DGKB: variants seen among roughly 807,000 people sequenced by gnomAD.
DGKB encodes the protein 90 kDa diacylglycerol kinase.
DGKB carries 67 observed loss-of-function variants against 114.3 expected under a neutral mutation model. The ratio of observed to expected loss-of-function variants is 0.59; its 90% CI spans 0.48 to 0.72. DGKB has a LOEUF of 0.72. DGKB is among the 30% of genes least tolerant of loss of function. The probability of loss-of-function intolerance (pLI) is 0.00; values close to 1 mark genes in which losing one functional copy is unlikely to be tolerated. For synonymous variants in DGKB, 398 were observed against 323.1 expected (o/e 1.23, Z -2.49); for missense variants, 907 against 975.2 (o/e 0.93, Z 0.93).
chr7:14,942,117 C>CA, intron 1 of DGKB, among the ~76,000 whole-genome samples: 1 of 145,922 alleles, frequency 6.9e-6, no homozygotes, highest in Non-Finnish European at 1.5e-5. Context: ...ATTAAAAAAA[C>CA]TTTTTTTTTT....
intron 21 of DGKB, among the ~76,000 whole-genome samples, chr7:14,421,307 C>G (rs532343717): frequency 6.6e-6 from 1 of 151,952 alleles, no homozygotes. Flanking sequence ...AATCCTTGTT[C>G]AATACATCAA....
chr7:14,565,051 G>A (rs1022186755), intron 20 of DGKB, among the ~76,000 whole-genome samples: 3 of 152,142 alleles, frequency 2.0e-5, no homozygotes, highest in African/African-American at 7.2e-5. Context: ...TCAAGAGGTA[G>A]ATTCTATATC....
chr7:14,544,279 G>C (rs1397452435), intron 20 of DGKB, among the ~76,000 whole-genome samples: 1 of 152,130 alleles, frequency 6.6e-6, no homozygotes, highest in Non-Finnish European at 1.5e-5. Flanking sequence ...AATATGAACT[G>C]ACTAAGCCAT....
chr7:14,366,634 GC>G lies in DGKB; in HGVS notation c.1836-21244del, dbSNP rs1223036004. On this transcript the variant is annotated intron_variant, in intron 21 of 25. Transcript: ENST00000402815. ...AATTGACAAATCTTTGTTTCGTAAT[GC>G]AAATTATTGCACCTGAAGCCAAATC... 2.0e-5 allele frequency among the ~76,000 whole-genome samples: 3 copies of G among 152,152 alleles called. No homozygotes were observed. In the East Asian group the frequency reaches 5.8e-4, roughly 29 times the overall value.
At position 14,282,713 on chromosome 7, in the gene DGKB, C is replaced by G. The variant is rs1413423632; in HGVS notation, c.2122+55802G>C. Reference sequence around the variant, plus strand: ...GGATGCAAGGCAGGTTCAATATACGCAAATCAATAAATGTAATCCAGCATA... The same window carrying G: ...GGATGCAAGGCAGGTTCAATATACGGAAATCAATAAATGTAATCCAGCATA... On this transcript the variant is annotated intron_variant, in intron 23 of 25. Coordinates refer to ENST00000402815, the MANE Select transcript of DGKB (RefSeq NM_001350709.2). 2.2e-4 allele frequency among the ~76,000 whole-genome samples: 34 copies of G among 151,738 alleles called. No individual in the cohort carries two copies. The East Asian group carries it at 5.4e-3, about 24-fold the overall frequency.
intron 2 of DGKB, among the ~76,000 whole-genome samples, chr7:14,789,429 A>AT (rs1334346967): frequency 2.0e-5 from 3 of 152,212 alleles, no homozygotes; most frequent in East Asian, 1.9e-4. Context: ...TGATCCATCC[A>AT]TTTTTTATCA....
At position 14,648,958 on chromosome 7, in the gene DGKB, A is replaced by G. The variant is rs1395459395; in HGVS notation, c.1135-18690T>C. ...GAAGTTTAGAGAAAAAAGAATAAAA[A>G]GAAATGAGCAAAGCCTCCAAGAAAT... On this transcript the variant is annotated intron_variant, in intron 13 of 25. Transcript: ENST00000402815. Among the ~76,000 whole-genome samples, 17 of 93,130 alleles carry G rather than the reference A, an allele frequency of 1.8e-4. No homozygotes were observed. In the Middle Eastern group the frequency reaches 0.013, roughly 68 times the overall value. The allele number at this position is 93,130 out of a possible 152,430, so 61.1% of individuals were successfully genotyped here.
intron 23 of DGKB, among the ~76,000 whole-genome samples, chr7:14,193,637 C>G (rs536974488): frequency 7.2e-5 from 11 of 151,958 alleles, no homozygotes; most frequent in Non-Finnish European, 1.6e-4. Context: ...TTAGGGTGGG[C>G]AAGGACTTTT....
chr7:14,418,389 A>ACACACACGTG (rs1191892462), intron 21 of DGKB, among the ~76,000 whole-genome samples: 13 of 146,712 alleles, frequency 8.9e-5, no homozygotes, highest in African/African-American at 3.2e-4. Flanking sequence ...ATATATATAT[A>ACACACACGTG]TATACACACA....
intron 17 of DGKB, among the ~76,000 whole-genome samples, chr7:14,607,001 C>T (rs770975713): frequency 6.6e-6 from 1 of 151,954 alleles, no homozygotes. Context: ...CTCCTACATG[C>T]TTAGTGTTCC....
intron 23 of DGKB, among the ~76,000 whole-genome samples, chr7:14,277,634 CATTTA>C: frequency 6.6e-6 from 1 of 152,276 alleles, no homozygotes; most frequent in African/African-American, 2.4e-5. Context: ...TTATTGTATA[CATTTA>C]CAACATTTTC....
rs189289169 is a variant in DGKB at position 14,763,150 on chromosome 7, T to G, written c.71-5419A>C. 2.6e-5 allele frequency among the ~76,000 whole-genome samples: 4 copies of G among 152,236 alleles called. No individual in the cohort carries two copies. The East Asian group carries it at 7.7e-4, about 29-fold the overall frequency. On this transcript the variant is annotated intron_variant, in intron 2 of 25. Coordinates refer to ENST00000402815, the MANE Select transcript of DGKB (RefSeq NM_001350709.2). ...TCCCATGATTTTAGAGCTCTTCTTT[T>G]GCTGATGATTTTTTTTTCCTCAGGA...
chr7:14,853,252 T>C (rs1202405763), intron 1 of DGKB, among the ~76,000 whole-genome samples: 1 of 152,152 alleles, frequency 6.6e-6, no homozygotes, highest in Non-Finnish European at 1.5e-5. Context: ...GGACTCAATT[T>C]ACACAGCATA....
chr7:14,734,616 G>C (rs1831434711), intron 5 of DGKB, among the ~76,000 whole-genome samples: 1 of 152,144 alleles, frequency 6.6e-6, no homozygotes, highest in Non-Finnish European at 1.5e-5. Flanking sequence ...GCATTAAAGA[G>C]ATTTGCAATT....
chr7:14,578,744 C>G (rs1799523628), intron 19 of DGKB, among the ~76,000 whole-genome samples: 1 of 152,210 alleles, frequency 6.6e-6, no homozygotes, highest in African/African-American at 2.4e-5. Context: ...TTCACATTTT[C>G]TGACCAGTTT....
chr7:14,553,067 GAAC>G (rs1409523337), intron 20 of DGKB, among the ~76,000 whole-genome samples: 2 of 152,212 alleles, frequency 1.3e-5, no homozygotes, highest in African/African-American at 4.8e-5. Context: ...CAAATGGGAA[GAAC>G]AATACATGAA....
intron 21 of DGKB, among the ~76,000 whole-genome samples, chr7:14,475,697 A>T (rs1196884515): frequency 6.6e-6 from 1 of 152,128 alleles, no homozygotes; most frequent in Non-Finnish European, 1.5e-5. Context: ...TCATGACTCA[A>T]ATTTGCAAAG....
intron 1 of DGKB, among the ~76,000 whole-genome samples, chr7:14,863,950 T>C (rs1007557787): frequency 2.0e-5 from 3 of 151,654 alleles, no homozygotes; most frequent in Admixed American, 2.0e-4. Flanking sequence ...AAATACAAAA[T>C]TAGCCAGGCG....
chr7:14,587,744 C>T (rs140412191), intron 17 of DGKB, among the ~76,000 whole-genome samples: 83 of 152,270 alleles, frequency 5.5e-4, no homozygotes, highest in African/African-American at 1.9e-3. Context: ...CCAGAAAAAA[C>T]ATTATGACTC....
Sources: allele counts gnomAD v4.1 joint callset (sites outside exome capture counted in the v4.1 genomes callset), GRCh38; gene constraint gnomAD v4.1.1; transcripts MANE v1.5; gene names NCBI Gene and HGNC (gene_info 2026-07-23, HGNC 2026-07-21).